ZC3H13: variants seen among roughly 807,000 people sequenced by gnomAD.
ZC3H13 encodes zinc finger CCCH-type containing 13.
ZC3H13 carries 64 observed loss-of-function variants against 204.1 expected under a neutral mutation model. That is an observed-to-expected ratio of 0.31 (90% confidence interval 0.26 to 0.39). ZC3H13 has a LOEUF of 0.39. Among genes scored for constraint, ZC3H13 ranks in the 10% least tolerant of loss-of-function variants. The pLI is 1.00. For missense variants in ZC3H13, 1,833 were observed against 2,082.7 expected (o/e 0.88, Z 2.33); for synonymous variants, 667 against 693.7 (o/e 0.96, Z 0.60).
intron 16 of ZC3H13, among the ~76,000 whole-genome samples, chr13:45,964,426 C>A (rs528630850): frequency 6.6e-6 from 1 of 152,150 alleles, no homozygotes; most frequent in Non-Finnish European, 1.5e-5. Flanking sequence ...TGCACACATA[C>A]ATTTTAATTT....
At chr13:46,028,711 T>A (rs2042693209) in intron 4 of ZC3H13, among the ~76,000 whole-genome samples, 1 of 152,118 alleles carries the variant, frequency 6.6e-6, no homozygotes, top group Non-Finnish European at 1.5e-5. Flanking sequence ...AACATATTGG[T>A]CAAAGAAGAA....
chr13:46,046,853 A>G (rs911417148), intron 1 of ZC3H13, among the ~76,000 whole-genome samples: 2 of 152,196 alleles, frequency 1.3e-5, no homozygotes, highest in African/African-American at 4.8e-5. Flanking sequence ...CCAAGATACA[A>G]TCCAGAGCAT....
intron 5 of ZC3H13, among the ~76,000 whole-genome samples, chr13:46,014,607 T>C (rs1454895634): frequency 6.6e-6 from 1 of 152,212 alleles, no homozygotes; most frequent in Admixed American, 6.5e-5. Flanking sequence ...TCTAAATTCA[T>C]TAACTGATTT....
At chr13:46,032,979 T>C (rs956153042) in intron 4 of ZC3H13, among the ~76,000 whole-genome samples, 1 of 149,404 alleles carries the variant, frequency 6.7e-6, no homozygotes. Flanking sequence ...CATATATATG[T>C]AAATATTAAA....
At chr13:45,964,069 G>A in intron 16 of ZC3H13, 27 bp from the exon 17 acceptor site, 1 of 1,584,252 alleles carries the variant, frequency 6.3e-7, no homozygotes, top group Non-Finnish European at 8.6e-7. Flanking sequence ...AGTAAGATTT[G>A]TTTTACACCA....
Position 45,962,356 on chromosome 13 carries a change from T to C in ZC3H13, c.4675+1486A>G, listed in dbSNP as rs547646800. ...TAAGTAAGGGCCGAACTGTATTTCA[T>C]GGGTAGCAAAATCAAACCAGATTTT... On this transcript the variant is annotated intron_variant, in intron 17 of 18. Transcript: ENST00000679008. The C allele has an allele frequency of 2.0e-5, 20 of 985,432 alleles. No homozygotes were observed. In the South Asian group the frequency reaches 6.6e-4, roughly 32 times the overall value. The allele number at this position is 985,432 out of a possible 1,614,324, so 61.0% of individuals were successfully genotyped here. A position where few individuals can be genotyped will look rare whatever the true frequency, so the allele number is the denominator to read the frequency against.
chr13:45,967,630 C>T lies in ZC3H13; in HGVS notation c.4195G>A (p.Glu1399Lys). 6.2e-7 allele frequency: 1 copy of T among 1,614,146 alleles called. No individual in the cohort carries two copies. Among genetic ancestry groups the T allele is most frequent in the Non-Finnish European group, 8.5e-7 (1 of 1,180,004 alleles). ...RCEAKLEGEH[E>K]RDLESTSRDS... The stretch of plus-strand genomic sequence containing the variant: ...CGGGAAGTGCTTTCTAGATCCCTTT[C>T]ATGTTCACCTTCCAGTTTTGCTTCA... Residue 1399 changes from glutamate to lysine, a missense_variant, in exon 15 of 19, where the codon GAA (glutamate) becomes AAA (lysine). Coordinates refer to ENST00000679008, the MANE Select transcript of ZC3H13 (RefSeq NM_001330564.2).
chr13:45,969,118 G>A lies in ZC3H13; in HGVS notation c.3426C>T (p.Thr1142=). 6.2e-7 allele frequency: 1 copy of A among 1,614,160 alleles called. No individual in the cohort carries two copies. Among genetic ancestry groups the A allele is most frequent in the Non-Finnish European group, 8.5e-7 (1 of 1,180,032 alleles). ...TSAITISTSA[T]PTNTTNNTFA... ...AAGTATTATTGGTGGTATTGGTGGG[G>A]GTGGCAGAGGTGGAAATAGTGATGG... is the stretch of plus-strand genomic sequence containing the variant. Residue 1142 remains threonine, a synonymous_variant, in exon 14 of 19, where the codon ACC becomes ACT. Transcript: ENST00000679008.
intron 4 of ZC3H13, among the ~76,000 whole-genome samples, chr13:46,023,787 T>C (rs947059340): frequency 3.9e-5 from 6 of 152,092 alleles, no homozygotes; most frequent in Admixed American, 3.3e-4. Flanking sequence ...TATTCACTCT[T>C]GTTTTCATTT....
At chr13:45,961,142 G>C (rs1203568097) in intron 17 of ZC3H13, among the ~76,000 whole-genome samples, 1 of 152,126 alleles carries the variant, frequency 6.6e-6, no homozygotes, top group Non-Finnish European at 1.5e-5. Context: ...AGTTTTTTCA[G>C]ATGATTCAGA....
In ZC3H13 at chr13:45,975,687, C is replaced by T. The variant is rs766877834; in HGVS notation, c.2064G>A (p.Glu688=). 1.9e-6 allele frequency: 3 copies of T among 1,612,926 alleles called. No homozygotes were observed. The highest frequency in any genetic ancestry group is 2.5e-6 in the Non-Finnish European group (3 of 1,179,514). Residue 688 remains glutamate (E), a synonymous_variant, in exon 12 of 19, where the codon GAG becomes GAA. Coordinates refer to ENST00000679008, the MANE Select transcript of ZC3H13 (RefSeq NM_001330564.2). ...ERDRERERDR[E]RERERERERD... is the part of the protein sequence containing the mutation. ...GTTCACGTTCCCTCTCTCTCTCCCG[C>T]TCCCTGTCTCGTTCTCGTTCCCGAT...
chr13:45,975,812 G>T lies in ZC3H13; in HGVS notation c.1939C>A (p.His647Asn). 1 of 1,612,566 alleles carries T rather than the reference G, an allele frequency of 6.2e-7. No homozygotes were observed. ...RDQRPSSPIR[H>N]QGRNDELERD... The stretch of plus-strand genomic sequence containing the variant: ...TCAAGCTCGTCATTCCTTCCCTGAT[G>T]TCGAATTGGTGAGCTTGGTCTTTGA... The change falls in exon 12 of 19, where the codon CAT becomes AAT. Residue 647 changes from histidine to asparagine, a missense_variant. This residue lies in a region of ZC3H13 where 1,574 missense variants were observed against 1,757.2 expected (regional missense o/e 0.90). Coordinates refer to ENST00000679008, the MANE Select transcript of ZC3H13 (RefSeq NM_001330564.2).
At chr13:46,010,225 A>G in intron 7 of ZC3H13, 123 bp downstream of exon 7, 3 of 1,013,050 alleles carry the variant, frequency 3.0e-6, no homozygotes, top group Non-Finnish European at 3.9e-6. Flanking sequence ...ATTTCTTTTT[A>G]GAACAAAAAA....
intron 4 of ZC3H13, among the ~76,000 whole-genome samples, chr13:46,022,739 C>A (rs551450724): frequency 6.8e-6 from 1 of 146,876 alleles, no homozygotes; most frequent in East Asian, 2.0e-4. Flanking sequence ...TTTTGCATTT[C>A]AAAGCATATT....
intron 1 of ZC3H13, among the ~76,000 whole-genome samples, chr13:46,051,246 A>G (rs1412266029): frequency 6.6e-6 from 1 of 152,180 alleles, no homozygotes; most frequent in Admixed American, 6.5e-5. Flanking sequence ...AAAATATGCA[A>G]TGTTCATTTA....
chr13:45,972,634 T>C (rs182851550), intron 12 of ZC3H13, among the ~76,000 whole-genome samples: 1 of 152,280 alleles, frequency 6.6e-6, no homozygotes, highest in East Asian at 1.9e-4. Flanking sequence ...AGCTCCTTTA[T>C]ATAGATGAAC....
At chr13:45,978,892 T>TA (rs1179966510) in intron 11 of ZC3H13, among the ~76,000 whole-genome samples, 2 of 152,052 alleles carry the variant, frequency 1.3e-5, no homozygotes, top group African/African-American at 4.8e-5. Flanking sequence ...GCTTACCTTA[T>TA]AAACTCAACC....
chr13:45,978,734 A>G (rs1425654553), intron 11 of ZC3H13, among the ~76,000 whole-genome samples: 1 of 152,054 alleles, frequency 6.6e-6, no homozygotes, highest in Non-Finnish European at 1.5e-5. Context: ...AAATAGAAAA[A>G]AAGGAAAAAA....
chr13:45,977,323 A>T (rs1488694047), intron 11 of ZC3H13, among the ~76,000 whole-genome samples: 1 of 152,220 alleles, frequency 6.6e-6, no homozygotes, highest in Non-Finnish European at 1.5e-5. Context: ...ATTCAATACC[A>T]TTAACTTATA....
Sources: gnomAD v4.1 joint callset for allele counts (sites outside exome capture counted in the v4.1 genomes callset) on GRCh38, gnomAD v4.1.1 for gene constraint, gnomAD v4.1.1 regional missense constraint, MANE v1.5 for transcripts, NCBI Gene and HGNC (gene_info 2026-07-23, HGNC 2026-07-21) for gene names.